The following TSC22D1 variants were observed in gnomAD, a reference collection of about 807,000 sequenced individuals.
The protein encoded by TSC22D1 is TSC22 domain family protein 1.
In TSC22D1, 9 loss-of-function variants were observed where a neutral mutation model predicts 74.2. That is an observed-to-expected ratio of 0.12 (90% CI 0.07 to 0.21). The LOEUF (loss-of-function observed/expected upper bound fraction) is 0.21. Ranked by LOEUF, TSC22D1 falls within the 10% of genes least tolerant of loss-of-function variation. The pLI is 1.00. For synonymous variants in TSC22D1, 586 were observed against 492.5 expected (o/e 1.19, Z -2.51); for missense variants, 1,427 against 1,304.7 (o/e 1.09, Z -1.44).
At chr13:44,565,082 A>C (rs1883282485) in intron 1 of TSC22D1, among the ~76,000 whole-genome samples, 1 of 152,166 alleles carries the variant, frequency 6.6e-6, no homozygotes. Flanking sequence ...ATGCAAGCGG[A>C]AATGTTATGA....
chr13:44,542,803 G>A (rs552409774), intron 1 of TSC22D1, among the ~76,000 whole-genome samples: 1 of 152,190 alleles, frequency 6.6e-6, no homozygotes, highest in African/African-American at 2.4e-5. Flanking sequence ...TCAAAATGGG[G>A]TCATTATTTG....
At chr13:44,444,131 T>G (rs1003309060) in intron 1 of TSC22D1, among the ~76,000 whole-genome samples, 1 of 150,818 alleles carries the variant, frequency 6.6e-6, no homozygotes, top group African/African-American at 2.5e-5. Context: ...ATACAAAAAT[T>G]AGCTGTGCAT....
rs76934402 is a variant in TSC22D1, at chr13:44,460,650, A to G, written c.2913-24555T>C. Among the ~76,000 whole-genome samples the G allele has an allele frequency of 4.6e-3, 696 of 152,288 alleles. 4 individuals are homozygous for G. Among genetic ancestry groups the G allele is most frequent in the African/African-American group, 0.016 (661 of 41,560 alleles). The stretch of plus-strand genomic sequence containing the variant: ...CCTAGACTGTCCTCTAGGAAAAGCT[A>G]TGGAGGGAGGCCCCATCCGCTTCTA... On this transcript the variant is annotated intron_variant, in intron 1 of 2. Coordinates refer to ENST00000458659, the MANE Select transcript of TSC22D1 (RefSeq NM_183422.4).
At chr13:44,478,105 G>A (rs920165676) in intron 1 of TSC22D1, among the ~76,000 whole-genome samples, 1 of 151,698 alleles carries the variant, frequency 6.6e-6, no homozygotes, top group Non-Finnish European at 1.5e-5. Context: ...AGATTCCTTG[G>A]GAAAACTAGG....
chr13:44,554,279 T>C (rs1882477379), intron 1 of TSC22D1, among the ~76,000 whole-genome samples: 1 of 152,170 alleles, frequency 6.6e-6, no homozygotes, highest in South Asian at 2.1e-4. Flanking sequence ...GTAGCAGAAA[T>C]AAGATGAGAT....
intron 1 of TSC22D1, among the ~76,000 whole-genome samples, chr13:44,469,230 G>A (rs540198234): frequency 7.9e-5 from 12 of 151,982 alleles, no homozygotes; most frequent in African/African-American, 2.2e-4. Flanking sequence ...AGTACCCACC[G>A]CCTACCCATC....
intron 1 of TSC22D1, 44 bp downstream of exon 1, chr13:44,573,119 C>CT: frequency 6.3e-7 from 1 of 1,588,598 alleles, no homozygotes; most frequent in Non-Finnish European, 8.6e-7. Flanking sequence ...AATAGATTAA[C>CT]TTCAAATCTG....
chr13:44,564,842 C>A (rs968745009), intron 1 of TSC22D1, among the ~76,000 whole-genome samples: 1 of 151,470 alleles, frequency 6.6e-6, no homozygotes, highest in Admixed American at 6.6e-5. Flanking sequence ...TATGTTAGAG[C>A]AATGGCAATA....
intron 1 of TSC22D1, among the ~76,000 whole-genome samples, chr13:44,503,433 T>C (rs1041917492): frequency 2.0e-5 from 3 of 152,046 alleles, no homozygotes; most frequent in African/African-American, 7.2e-5. Flanking sequence ...AAAGTTGACA[T>C]GGCAGAAGTG....
At chr13:44,447,290 T>C (rs900660834) in intron 1 of TSC22D1, among the ~76,000 whole-genome samples, 1 of 152,148 alleles carries the variant, frequency 6.6e-6, no homozygotes, top group Non-Finnish European at 1.5e-5. Context: ...AGCCTACATG[T>C]AGTATTTTGA....
At chr13:44,537,977 A>G in intron 1 of TSC22D1, 1 of 985,332 alleles carries the variant, frequency 1.0e-6, no homozygotes, top group Non-Finnish European at 1.2e-6. Flanking sequence ...ATTCTTTAAT[A>G]GCTTTTGACT....
intron 1 of TSC22D1, among the ~76,000 whole-genome samples, chr13:44,465,657 G>A (rs1191387948): frequency 6.6e-6 from 1 of 152,156 alleles, no homozygotes; most frequent in Non-Finnish European, 1.5e-5. Flanking sequence ...GCCCACGACT[G>A]ATATTACTTA....
intron 1 of TSC22D1, among the ~76,000 whole-genome samples, chr13:44,457,249 C>T (rs555281867): frequency 1.9e-4 from 29 of 152,176 alleles, no homozygotes; most frequent in Non-Finnish European, 5.9e-5. Flanking sequence ...TACCTCAGTT[C>T]GGCACGTTTG....
At chr13:44,511,907 G>A (rs533657842) in intron 1 of TSC22D1, among the ~76,000 whole-genome samples, 2 of 152,232 alleles carry the variant, frequency 1.3e-5, no homozygotes, top group South Asian at 4.2e-4. Context: ...CAAGCAAAGG[G>A]CAGAATTAGG....
chr13:44,533,196 G>A (rs150378660), intron 1 of TSC22D1, among the ~76,000 whole-genome samples: 212 of 152,184 alleles, frequency 1.4e-3, no homozygotes, highest in Non-Finnish European at 2.4e-3. Context: ...CATGATGGCC[G>A]CTGCCTGTAA....
intron 1 of TSC22D1, among the ~76,000 whole-genome samples, chr13:44,471,394 C>T (rs1407248494): frequency 6.6e-6 from 1 of 152,102 alleles, no homozygotes; most frequent in Non-Finnish European, 1.5e-5. Context: ...GCACTTGGAT[C>T]TCTTGATAAA....
chr13:44,555,021 GT>G (rs1882537193), intron 1 of TSC22D1, among the ~76,000 whole-genome samples: 1 of 150,950 alleles, frequency 6.6e-6, no homozygotes, highest in Non-Finnish European at 1.5e-5. Context: ...AGAAGCTTTT[GT>G]TTCTACATAT....
At position 44,573,917 on chromosome 13, in the gene TSC22D1, C is replaced by G. The variant is rs1343590118; in HGVS notation, c.2158G>C (p.Val720Leu). 1 of 1,614,206 alleles carries G rather than the reference C, an allele frequency of 6.2e-7. No homozygotes were observed. Among genetic ancestry groups the G allele is most frequent in the Non-Finnish European group, 8.5e-7 (1 of 1,180,046 alleles). ...TGACTGCCAGTAGGTACAGCAGACACTGCTGCCGGAGCCTGGCCAACAGGC... is the reference window on the plus strand; with the variant it reads ...TGACTGCCAGTAGGTACAGCAGACAGTGCTGCCGGAGCCTGGCCAACAGGC... ...VQPVGQAPAA[V>L]SAVPTGSQIA... Residue 720 changes from valine to leucine, a missense_variant, in exon 1 of 3, where the codon GTG becomes CTG. Coordinates refer to ENST00000458659, the MANE Select transcript of TSC22D1 (RefSeq NM_183422.4).
At chr13:44,458,944 G>A (rs1876832844) in intron 1 of TSC22D1, among the ~76,000 whole-genome samples, 1 of 152,212 alleles carries the variant, frequency 6.6e-6, no homozygotes, top group Non-Finnish European at 1.5e-5. Context: ...ACTGTGGATG[G>A]CATGTTGATG....
Sources: gnomAD v4.1 joint callset for allele counts (sites outside exome capture counted in the v4.1 genomes callset) on GRCh38, gnomAD v4.1.1 for gene constraint, MANE v1.5 for transcripts, NCBI Gene and HGNC (gene_info 2026-07-23, HGNC 2026-07-21) for gene names.